Variants in ANO5 observed in about 807,000 individuals in gnomAD.
The protein encoded by ANO5 is anoctamin 5, also known as anoctamin-5.
A neutral mutation model predicts 121.0 loss-of-function variants in ANO5; 109 were observed. That is an observed-to-expected ratio of 0.90 (90% CI 0.77 to 1.06). The LOEUF (loss-of-function observed/expected upper bound fraction) is 1.06. Ranked by LOEUF, ANO5 falls within the 50% of genes least tolerant of loss-of-function variation. ANO5 has a pLI of 0.00. For synonymous variants in ANO5, 406 were observed against 359.9 expected, an observed-to-expected ratio of 1.13 and a Z score of -1.45; for missense variants, 1,064 against 1,078.5, an observed-to-expected ratio of 0.99 and a Z score of 0.19.
chr11:22,258,999 G>T (rs1361903207), intron 14 of ANO5, among the ~76,000 whole-genome samples: 1 of 152,026 alleles, frequency 6.6e-6, no homozygotes, highest in Non-Finnish European at 1.5e-5. Context: ...CGGGTGTGGT[G>T]GCGGTCACCT....
At chr11:22,264,891 A>C (rs761836172) in intron 17 of ANO5, among the ~76,000 whole-genome samples, 13 of 152,178 alleles carry the variant, frequency 8.5e-5, no homozygotes, top group Non-Finnish European at 1.6e-4. Context: ...GAATTGGAAA[A>C]TAATAGTGAG....
intron 21 of ANO5, 127 bp downstream of exon 21, chr11:22,276,326 G>A: frequency 3.7e-6 from 3 of 803,802 alleles, no homozygotes; most frequent in Non-Finnish European, 6.3e-6. Context: ...TATTGTATTT[G>A]TAGTCATAAA....
chr11:22,250,105 A>G lies in ANO5; in HGVS notation c.879-132A>G, dbSNP rs116274417. On this transcript the variant is annotated intron_variant, in intron 9 of 21. Coordinates refer to ENST00000324559, the MANE Select transcript of ANO5 (RefSeq NM_213599.3). ...AAACTGAAGTTTAGAGAGTTGAGTA[A>G]CTTCACCAAAATTACATGTCTAGAA... is the stretch of plus-strand genomic sequence containing the variant. The G allele has an allele frequency of 8.1e-3, 6,362 of 788,594 alleles. 272 individuals carry two copies. In the African/African-American group the frequency reaches 0.097, roughly 12 times the overall value. 48.8% of individuals were successfully genotyped at this position (788,594 alleles called of 1,614,324 possible). A position where few individuals can be genotyped will look rare whatever the true frequency, so the allele number is the denominator to read the frequency against.
intron 9 of ANO5, among the ~76,000 whole-genome samples, chr11:22,245,011 G>C (rs1439710031): frequency 1.3e-5 from 2 of 152,148 alleles, no homozygotes; most frequent in Non-Finnish European, 2.9e-5. Flanking sequence ...ATTAATTGTA[G>C]TATAAGTTGA....
chr11:22,215,639 T>G (rs2133568146), intron 3 of ANO5, among the ~76,000 whole-genome samples: 1 of 152,096 alleles, frequency 6.6e-6, no homozygotes, highest in East Asian at 1.9e-4. Flanking sequence ...CTCAACAACA[T>G]GCATTATATT....
At chr11:22,268,781 T>A (rs1293165790) in intron 17 of ANO5, among the ~76,000 whole-genome samples, 1 of 152,080 alleles carries the variant, frequency 6.6e-6, no homozygotes, top group Middle Eastern at 3.2e-3. Flanking sequence ...TTTGGGAGGC[T>A]GAGGAGGGAG....
intron 1 of ANO5, among the ~76,000 whole-genome samples, chr11:22,200,375 C>G (rs1282819835): frequency 6.6e-6 from 1 of 152,124 alleles, no homozygotes; most frequent in East Asian, 1.9e-4. Context: ...AATTTAGCTA[C>G]TTTACCTTGC....
rs748540787 is a variant in ANO5 at position 22,259,712 on chromosome 11, A to T, written c.1601A>T (p.Glu534Val). The T allele has an allele frequency of 3.7e-6, 6 of 1,613,720 alleles. No homozygotes were observed. Among genetic ancestry groups the T allele is most frequent in the Non-Finnish European group, 5.1e-6 (6 of 1,179,806 alleles). The change falls in exon 15 of 22, where the codon GAA becomes GTA. Residue 534 changes from glutamate (E) to valine (V), a missense_variant. Coordinates refer to ENST00000324559, the MANE Select transcript of ANO5 (RefSeq NM_213599.3). Reference protein sequence around the residue: ...IVILILNFFYEKISAWITKME... With the variant: ...IVILILNFFYVKISAWITKME... Reference sequence around the variant, plus strand: ...ATCTTGATCTTGAATTTCTTTTATGAAAAGATATCTGCCTGGATCACAAAA... The same window carrying T: ...ATCTTGATCTTGAATTTCTTTTATGTAAAGATATCTGCCTGGATCACAAAA...
At chr11:22,278,599 G>A (rs888569216) in intron 21 of ANO5, among the ~76,000 whole-genome samples, 5 of 149,564 alleles carry the variant, frequency 3.3e-5, no homozygotes, top group African/African-American at 1.2e-4. Flanking sequence ...ATGTTTAAGA[G>A]TGTGGAAGTG....
rs1406820039 is a variant in ANO5, at chr11:22,250,363, C to T, written c.1005C>T (p.Asn335=). ...FIYGLLSMEH[N]TSSTEICDPE... ...ATGGCTTATTATCAATGGAACATAA[C>T]ACAAGCAGGTAAGTGCACCTGAGTT... Residue 335 remains asparagine (N), a synonymous_variant, in exon 10 of 22, where the codon AAC becomes AAT. Transcript: ENST00000324559. 3.7e-6 allele frequency: 6 copies of T among 1,613,350 alleles called. No individual in the cohort carries two copies. Among genetic ancestry groups the T allele is most frequent in the South Asian group, 1.1e-5 (1 of 91,058 alleles).
chr11:22,258,551 T>G (rs907583250), intron 14 of ANO5, among the ~76,000 whole-genome samples: 7 of 152,238 alleles, frequency 4.6e-5, no homozygotes, highest in Non-Finnish European at 1.0e-4. Flanking sequence ...GCCATCTTTG[T>G]GCTTTTGCAA....
At chr11:22,257,786 C>A (rs774210819) in intron 14 of ANO5, 32 bp downstream of exon 14, 1 of 1,546,440 alleles carries the variant, frequency 6.5e-7, no homozygotes, top group African/African-American at 1.4e-5. Context: ...GCTATAATTT[C>A]TTCAACAGGT....
At position 22,252,627 on chromosome 11, in the gene ANO5, C is replaced by T. The variant is rs562821424; in HGVS notation, c.1180+1616C>T. 1.4e-4 allele frequency among the ~76,000 whole-genome samples: 21 copies of T among 152,100 alleles called. No individual in the cohort carries two copies. In the South Asian group the frequency reaches 2.3e-3, roughly 17 times the overall value. ...CCACATAAATTGCAAATATTTTTTT[C>T]AGTTTGTAATTTACATTTGATCTCA... On this transcript the variant is annotated intron_variant, in intron 12 of 21. Coordinates refer to ENST00000324559, the MANE Select transcript of ANO5 (RefSeq NM_213599.3).
intron 2 of ANO5, among the ~76,000 whole-genome samples, chr11:22,207,155 A>G (rs1269238495): frequency 1.3e-5 from 2 of 152,110 alleles, no homozygotes; most frequent in African/African-American, 4.8e-5. Context: ...TATAAGTTAA[A>G]ATATCTGTAT....
chr11:22,212,052 A>G (rs372675796), intron 3 of ANO5, among the ~76,000 whole-genome samples: 1 of 151,666 alleles, frequency 6.6e-6, no homozygotes, highest in African/African-American at 2.4e-5. Flanking sequence ...AAATCCACAG[A>G]TCAAATAACA....
intron 8 of ANO5, 64 bp downstream of exon 8, chr11:22,236,340 A>C (rs1853220060): frequency 7.7e-7 from 1 of 1,305,858 alleles, no homozygotes; most frequent in African/African-American, 1.5e-5. Context: ...CATTACTGGG[A>C]GAGAGAATCT....
At chr11:22,199,342 C>A (rs533582207) in intron 1 of ANO5, among the ~76,000 whole-genome samples, 33 of 152,154 alleles carry the variant, frequency 2.2e-4, no homozygotes, top group Non-Finnish European at 2.1e-4. Flanking sequence ...AGACATACCA[C>A]TTATGACAGC....
chr11:22,250,883 A>C, intron 11 of ANO5, 37 bp downstream of exon 11: 1 of 1,609,692 alleles, frequency 6.2e-7, no homozygotes, highest in Non-Finnish European at 8.5e-7. Context: ...AAGACTTGGA[A>C]TTTTCCTCCT....
At chr11:22,248,966 T>A (rs997264364) in intron 9 of ANO5, among the ~76,000 whole-genome samples, 5 of 152,054 alleles carry the variant, frequency 3.3e-5, no homozygotes, top group African/African-American at 1.2e-4. Flanking sequence ...ATTACAATAA[T>A]TTCTACATTT....
Sources: allele counts gnomAD v4.1 joint callset (sites outside exome capture counted in the v4.1 genomes callset), GRCh38; gene constraint gnomAD v4.1.1; transcripts MANE v1.5; gene names NCBI Gene and HGNC (gene_info 2026-07-23, HGNC 2026-07-21).